Variants in PRELID2 observed in about 807,000 individuals in gnomAD.
PRELID2 encodes the protein PRELI domain-containing protein 2.
Under a neutral mutation model 28.4 loss-of-function variants are expected in PRELID2, and 25 were observed. The observed-to-expected ratio is 0.88, with a 90% CI of 0.64 to 1.23. The LOEUF is 1.23. Ranked by LOEUF, PRELID2 falls within the 50% of genes most tolerant of loss-of-function variation. The pLI, the probability that PRELID2 is intolerant of heterozygous loss-of-function variation, is 0.00. For missense variants in PRELID2, 201 were observed against 214.4 expected (o/e 0.94, Z 0.39); for synonymous variants, 76 against 71.6 (o/e 1.06, Z -0.31).
chr5:145,328,067 G>A, the PRELID2 span, among the ~76,000 whole-genome samples: 1 of 152,246 alleles, frequency 6.6e-6, no homozygotes, highest in South Asian at 2.1e-4. Context: ...AGTTTGCTGA[G>A]AATGGTGGTT....
chr5:145,458,476 C>T, the PRELID2 span, among the ~76,000 whole-genome samples: 2 of 152,148 alleles, frequency 1.3e-5, no homozygotes, highest in South Asian at 2.1e-4. Flanking sequence ...TAGTGGTTTT[C>T]GACTGGGTGC....
chr5:145,624,235 A>G (rs1753814458), intron 1 of PRELID2, among the ~76,000 whole-genome samples: 1 of 152,170 alleles, frequency 6.6e-6, no homozygotes, highest in Non-Finnish European at 1.5e-5. Context: ...AAACCCCATC[A>G]TTCAGGAGTT....
chr5:145,285,491 A>C, the PRELID2 span, among the ~76,000 whole-genome samples: 1 of 152,316 alleles, frequency 6.6e-6, no homozygotes, highest in African/African-American at 2.4e-5. Flanking sequence ...TAGATTCCAG[A>C]AAAGCTTATC....
chr5:145,268,288 C>T, the PRELID2 span, among the ~76,000 whole-genome samples: 2 of 152,100 alleles, frequency 1.3e-5, no homozygotes, highest in African/African-American at 4.8e-5. Flanking sequence ...AGATTTAACT[C>T]CTAAATCTAT....
At chr5:145,724,066 A>G (rs1268287049) in intron 1 of PRELID2, among the ~76,000 whole-genome samples, 3 of 152,216 alleles carry the variant, frequency 2.0e-5, no homozygotes, top group African/African-American at 4.8e-5. Context: ...TTCAGCATAT[A>G]TTGATAAGTG....
At chr5:145,667,305 G>A (rs1754614293) in intron 1 of PRELID2, among the ~76,000 whole-genome samples, 1 of 152,004 alleles carries the variant, frequency 6.6e-6, no homozygotes. Context: ...TTAAAGACCT[G>A]CATTCAAGTT....
At chr5:145,410,909 C>A in the PRELID2 span, among the ~76,000 whole-genome samples, 511 of 152,220 alleles carry the variant, frequency 3.4e-3, 6 homozygotes, top group African/African-American at 0.012. Context: ...CAAAGCAAAT[C>A]TCTTCTTCCT....
At chr5:145,495,875 T>A (rs1752305880) in intron 1 of PRELID2, among the ~76,000 whole-genome samples, 1 of 152,182 alleles carries the variant, frequency 6.6e-6, no homozygotes, top group Non-Finnish European at 1.5e-5. Context: ...AGTTCTTTGC[T>A]CTACCTCATT....
chr5:145,814,603 A>C (rs1277692212), intron 4 of PRELID2, among the ~76,000 whole-genome samples: 3 of 152,210 alleles, frequency 2.0e-5, no homozygotes, highest in African/African-American at 7.2e-5. Context: ...TTTGGGCTTA[A>C]GAATGGATTT....
At chr5:145,834,769 G>A (rs947042972) in intron 1 of PRELID2, 1 of 168,598 alleles carries the variant, frequency 5.9e-6, no homozygotes, top group African/African-American at 2.4e-5. Context: ...TGTTTAATAA[G>A]GAGCAGCGGA....
chr5:145,267,401 A>G, the PRELID2 span, among the ~76,000 whole-genome samples: 1 of 152,286 alleles, frequency 6.6e-6, no homozygotes, highest in African/African-American at 2.4e-5. Flanking sequence ...GTTGACACTC[A>G]GTATTAACCA....
chr5:145,259,759 G>A, the PRELID2 span, among the ~76,000 whole-genome samples: 1 of 152,272 alleles, frequency 6.6e-6, no homozygotes, highest in South Asian at 2.1e-4. Flanking sequence ...AGACTTTTGA[G>A]TTAATGCTAG....
the PRELID2 span, among the ~76,000 whole-genome samples, chr5:145,282,624 A>T: frequency 1.1e-4 from 17 of 151,410 alleles, no homozygotes; most frequent in Non-Finnish European, 1.5e-5. Flanking sequence ...GTTTCAAGCG[A>T]TCCTCCCATC....
intron 1 of PRELID2, among the ~76,000 whole-genome samples, chr5:145,484,788 T>C (rs759919604): frequency 2.0e-5 from 3 of 152,208 alleles, no homozygotes; most frequent in Non-Finnish European, 4.4e-5. Context: ...TTAATGTTCA[T>C]TATCTGTTAC....
chr5:145,264,038 G>A, the PRELID2 span, among the ~76,000 whole-genome samples: 2 of 151,980 alleles, frequency 1.3e-5, no homozygotes, highest in African/African-American at 2.4e-5. Context: ...TTACAGGGGC[G>A]CCCAGCCTCA....
the PRELID2 span, among the ~76,000 whole-genome samples, chr5:145,306,265 G>A: frequency 2.0e-5 from 3 of 152,288 alleles, no homozygotes; most frequent in South Asian, 6.2e-4. Flanking sequence ...TATAACTTAT[G>A]TGAAGTGTGT....
intron 1 of PRELID2, among the ~76,000 whole-genome samples, chr5:145,481,519 A>C (rs75221405): frequency 4.0e-5 from 6 of 150,834 alleles, no homozygotes; most frequent in African/African-American, 1.5e-4. Context: ...ATGGTACTCT[A>C]GAGAATTGGA....
chr5:145,299,429 G>A, the PRELID2 span, among the ~76,000 whole-genome samples: 1 of 151,944 alleles, frequency 6.6e-6, no homozygotes, highest in African/African-American at 2.4e-5. Flanking sequence ...ATTATTTTCA[G>A]GGGAATTTTG....
At chr5:145,748,297 CT>C (rs1561572308) in intron 1 of PRELID2, among the ~76,000 whole-genome samples, 1 of 151,386 alleles carries the variant, frequency 6.6e-6, no homozygotes, top group Admixed American at 6.6e-5. Context: ...TGATAAGCAA[CT>C]TCAGCAAAAA....
Sources: gnomAD v4.1 joint callset for allele counts (sites outside exome capture counted in the v4.1 genomes callset) on GRCh38, gnomAD v4.1.1 for gene constraint, MANE v1.5 for transcripts, NCBI Gene and HGNC (gene_info 2026-07-23, HGNC 2026-07-21) for gene names.